The following HSPA8 variants were observed in gnomAD, a reference collection of about 807,000 sequenced individuals.
The protein encoded by HSPA8 is heat shock cognate 71 kDa protein.
A neutral mutation model predicts 52.8 loss-of-function variants in HSPA8; 2 were observed. That is an observed-to-expected ratio of 0.04 (90% confidence interval 0.02 to 0.12). The LOEUF (loss-of-function observed/expected upper bound fraction) is 0.12. HSPA8 is among the 10% of genes least tolerant of loss of function. The probability of loss-of-function intolerance (pLI) is 1.00; values close to 1 mark genes in which losing one functional copy is unlikely to be tolerated. For synonymous variants in HSPA8, 436 were observed against 274.0 expected, an observed-to-expected ratio of 1.59 and a Z score of -5.84; for missense variants, 349 against 800.5, an observed-to-expected ratio of 0.44 and a Z score of 6.81.
chr11:123,058,224 A>AG (rs773956929), intron 8 of HSPA8, 28 bp downstream of exon 8: 60 of 1,078,780 alleles, frequency 5.6e-5, no homozygotes, highest in South Asian at 1.1e-4. Flanking sequence ...TGAGTGGGGG[A>AG]GGAAAAAAAA....
At position 123,058,753 on chromosome 11, in the gene HSPA8, T is replaced by C; in HGVS notation, c.1401A>G (p.Ala467=). ...CTTCAATCTGAGGAACACCTCGGGGTGCAGGAGGTATGCCTGTGAGTTCAA... is the reference window on the plus strand; with the variant it reads ...CTTCAATCTGAGGAACACCTCGGGGCGCAGGAGGTATGCCTGTGAGTTCAA... ...GKFELTGIPP[A]PRGVPQIEVT... The change falls in exon 7 of 9, where the codon GCA becomes GCG. Residue 467 remains alanine (A), a synonymous_variant. Transcript: ENST00000534624. 1 of 1,613,810 alleles carries C rather than the reference T, an allele frequency of 6.2e-7. No homozygotes were observed.
intron 2 of HSPA8, 58 bp downstream of exon 2, chr11:123,061,062 A>G (rs1252549515): frequency 2.0e-6 from 3 of 1,467,890 alleles, no homozygotes; most frequent in South Asian, 2.3e-5. Context: ...CGTTTCATAA[A>G]CTTTTGTGCT....
At chr11:123,059,312 A>G (rs369832141) in intron 5 of HSPA8, 51 bp from the exon 6 acceptor site, 125 of 1,505,848 alleles carry the variant, frequency 8.3e-5, no homozygotes, top group Middle Eastern at 1.7e-4. Context: ...AACCCAGTAC[A>G]TAGCTCCTGT....
At chr11:123,061,665 C>A in intron 1 of HSPA8, 3 of 363,334 alleles carry the variant, frequency 8.3e-6, no homozygotes, top group Non-Finnish European at 1.0e-5. Context: ...TTAACTACTC[C>A]GGAATGTACC....
chr11:123,060,367 A>AC (rs149047184), intron 3 of HSPA8, 99 bp from the exon 4 acceptor site: 139,473 of 1,105,742 alleles, frequency 0.13, 8,371 homozygotes, highest in African/African-American at 0.24. Flanking sequence ...CAGCTGGAGC[A>AC]CCCCCCCCAC....
chr11:123,060,350 G>T (rs1865455265), intron 3 of HSPA8, 82 bp from the exon 4 acceptor site: 3 of 1,337,628 alleles, frequency 2.2e-6, no homozygotes, highest in African/African-American at 1.5e-5. Flanking sequence ...TAATGCTGGT[G>T]AAAGAACAGC....
chr11:123,059,368 T>G, intron 5 of HSPA8, 105 bp downstream of exon 5: 1 of 1,375,502 alleles, frequency 7.3e-7, no homozygotes, highest in Non-Finnish European at 1.0e-6. Flanking sequence ...GTTGCCATCA[T>G]TAGCCAAGCT....
chr11:123,058,356 C>T lies in HSPA8; in HGVS notation c.1651G>A (p.Ala551Thr). ...TGAAGTTTCTCATCTTCAACAGTTG[C>T]TTTCATGTTGAAGGCATAGGACTCA... ...SLESYAFNMK[A>T]TVEDEKLQGK... Residue 551 changes from alanine to threonine, a missense_variant, in exon 8 of 9, where the codon GCA (alanine) becomes ACA (threonine). Transcript: ENST00000534624. The T allele has an allele frequency of 1.2e-6, 2 of 1,612,938 alleles. No homozygotes were observed. The highest frequency in any genetic ancestry group is 1.7e-6 in the Non-Finnish European group (2 of 1,179,016).
intron 5 of HSPA8, 22 bp downstream of exon 5, chr11:123,059,451 T>A (rs1176130823): frequency 1.3e-6 from 2 of 1,589,538 alleles, no homozygotes; most frequent in Non-Finnish European, 8.6e-7. Flanking sequence ...GCCTTTAGGG[T>A]TAATTGAGAT....
At chr11:123,060,424 T>C (rs1430794239) in intron 3 of HSPA8, 156 bp from the exon 4 acceptor site, 2 of 938,934 alleles carry the variant, frequency 2.1e-6, no homozygotes, top group Non-Finnish European at 3.3e-6. Flanking sequence ...TGGTTTCTGG[T>C]GTTGACAGAC....
At chr11:123,059,356 G>A in intron 5 of HSPA8, 95 bp from the exon 6 acceptor site, 8 of 1,370,228 alleles carry the variant, frequency 5.8e-6, no homozygotes, top group Non-Finnish European at 8.2e-6. Flanking sequence ...TCCAAGGAAG[G>A]TGTTGCCATC....
chr11:123,059,343 A>G, intron 5 of HSPA8, 82 bp from the exon 6 acceptor site: 2 of 1,392,830 alleles, frequency 1.4e-6, no homozygotes, highest in Non-Finnish European at 2.0e-6. Context: ...ACTCGCTCAG[A>G]CATCCAAGGA....
chr11:123,058,534 T>C (rs551539272), intron 7 of HSPA8, 50 bp from the exon 8 acceptor site: 4 of 1,586,974 alleles, frequency 2.5e-6, no homozygotes, highest in Non-Finnish European at 3.5e-6. Flanking sequence ...CCTGTGTATG[T>C]GTAACTCTAG....
intron 8 of HSPA8, 85 bp from the exon 9 acceptor site, chr11:123,058,004 T>C (rs1865359286): frequency 8.8e-7 from 1 of 1,137,292 alleles, no homozygotes; most frequent in Admixed American, 2.3e-5. Flanking sequence ...ATACTAAAAG[T>C]CTGGCGCAAA....
At position 123,059,797 on chromosome 11, in the gene HSPA8, C is replaced by T. The variant is rs1277369023; in HGVS notation, c.796G>A (p.Ala266Thr). 1 of 1,613,746 alleles carries T rather than the reference C, an allele frequency of 6.2e-7. No homozygotes were observed. The highest frequency in any genetic ancestry group is 8.5e-7 in the Non-Finnish European group (1 of 1,179,856). The change falls in exon 5 of 9, where the codon GCT becomes ACT. Residue 266 changes from alanine to threonine, a missense_variant. By Grantham distance (58) the Ala-to-Thr change is moderately conservative (BLOSUM62 0). Coordinates refer to ENST00000534624, the MANE Select transcript of HSPA8 (RefSeq NM_006597.6). Reference protein sequence around the residue: ...NKRAVRRLRTACERAKRTLSS... With the variant: ...NKRAVRRLRTTCERAKRTLSS... ...AGGGTACGCTTAGCACGTTCACAAG[C>T]AGTACGGAGGCGTCTTACAGCTCTC... is the stretch of plus-strand genomic sequence containing the variant.
intron 1 of HSPA8, 53 bp downstream of exon 1, chr11:123,062,011 T>C (rs1362370459): frequency 6.5e-6 from 1 of 153,876 alleles, no homozygotes; most frequent in Non-Finnish European, 1.4e-5. Flanking sequence ...CAGGCCTGTG[T>C]GGAGGCTGCA....
chr11:123,059,455 TTGAGA>T lies in HSPA8; in HGVS notation c.1120+13_1120+17del, dbSNP rs774222273. 1 of 1,598,876 alleles carries T rather than the reference TTGAGA, an allele frequency of 6.3e-7. No individual in the cohort carries two copies. Among genetic ancestry groups the T allele is most frequent in the South Asian group, 1.1e-5 (1 of 89,916 alleles). On this transcript the variant is annotated intron_variant, in intron 5 of 8. Coordinates refer to ENST00000534624, the MANE Select transcript of HSPA8 (RefSeq NM_006597.6). ...TGGGCCTGCCTGCCTTTAGGGTTAATTGAGATACCATTGTTACCTGCACCATAAGC... is the reference window on the plus strand; with the variant it reads ...TGGGCCTGCCTGCCTTTAGGGTTAATTACCATTGTTACCTGCACCATAAGC...
At chr11:123,061,726 G>A (rs1244288820) in intron 1 of HSPA8, 4 of 225,960 alleles carry the variant, frequency 1.8e-5, no homozygotes, top group African/African-American at 4.6e-5. Context: ...CGGTGGGACT[G>A]GACTAAGCAG....
intron 6 of HSPA8, 62 bp downstream of exon 6, chr11:123,058,997 T>A: frequency 1.3e-6 from 2 of 1,487,550 alleles, no homozygotes; most frequent in Non-Finnish European, 1.9e-6. Flanking sequence ...TCATAGCGAG[T>A]CAGTCAAGAC....
Sources: allele counts gnomAD v4.1 joint callset, GRCh38; gene constraint gnomAD v4.1.1; transcripts MANE v1.5; gene names NCBI Gene and HGNC (gene_info 2026-07-23, HGNC 2026-07-21).